Variants in ASB3 observed in about 807,000 individuals in gnomAD.
ASB3 encodes ankyrin repeat and SOCS box protein 3.
ASB3 carries 41 observed loss-of-function variants against 54.5 expected under a neutral mutation model. The observed-to-expected ratio is 0.75, with a 90% CI of 0.59 to 0.98. The LOEUF is 0.98. Among genes scored for constraint, ASB3 ranks in the 50% least tolerant of loss-of-function variants. The pLI, the probability that ASB3 is intolerant of heterozygous loss-of-function variation, is 0.00. For missense variants in ASB3, 733 were observed against 620.0 expected (o/e 1.18, Z -1.94); for synonymous variants, 266 against 221.2 (o/e 1.20, Z -1.80).
At chr2:53,679,998 G>A (rs1322186867) in intron 9 of ASB3, among the ~76,000 whole-genome samples, 1 of 152,112 alleles carries the variant, frequency 6.6e-6, no homozygotes, top group African/African-American at 2.4e-5. Context: ...GTAGTACATG[G>A]TTTTCTGTTC....
intron 8 of ASB3, 75 bp downstream of exon 8, chr2:53,700,196 G>T: frequency 6.5e-7 from 1 of 1,539,704 alleles, no homozygotes; most frequent in South Asian, 1.3e-5. Flanking sequence ...CAAACACTGG[G>T]ATCTCAACTG....
intron 5 of ASB3, among the ~76,000 whole-genome samples, chr2:53,724,443 CA>C (rs1236474529): frequency 8.6e-5 from 13 of 151,670 alleles, no homozygotes; most frequent in African/African-American, 2.9e-4. Flanking sequence ...ACTAAAAATA[CA>C]AAAAATTAGC....
chr2:53,727,813 C>A (rs1354025403), intron 5 of ASB3, among the ~76,000 whole-genome samples: 2 of 152,272 alleles, frequency 1.3e-5, no homozygotes, highest in Middle Eastern at 3.4e-3. Flanking sequence ...GCAACCTCTG[C>A]CTCCCAGGTT....
chr2:53,718,277 G>T (rs922694359), intron 5 of ASB3, among the ~76,000 whole-genome samples: 2 of 135,418 alleles, frequency 1.5e-5, no homozygotes. Flanking sequence ...CAGGCAGCTA[G>T]AGAAAAACGT....
At chr2:53,742,531 G>C (rs1671991641) in intron 3 of ASB3, among the ~76,000 whole-genome samples, 1 of 152,020 alleles carries the variant, frequency 6.6e-6, no homozygotes, top group Non-Finnish European at 1.5e-5. Flanking sequence ...TAAAAAAGAA[G>C]TTAAGGAAGC....
intron 9 of ASB3, among the ~76,000 whole-genome samples, chr2:53,688,387 A>C (rs1213514137): frequency 6.6e-6 from 1 of 152,202 alleles, no homozygotes; most frequent in Non-Finnish European, 1.5e-5. Context: ...TCAGCAAGGA[A>C]AGGGAGAGCA....
In ASB3 at chr2:53,714,280, C is replaced by G. The variant is rs1670266599; in HGVS notation, c.980+104G>C. On this transcript the variant is annotated intron_variant, in intron 7 of 9. Transcript: ENST00000263634. Reference sequence around the variant, plus strand: ...TTTGTGTTCCAAGATAGCAATTTAGCACTAACAGAGATACTAAGTTTCATC... The same window carrying G: ...TTTGTGTTCCAAGATAGCAATTTAGGACTAACAGAGATACTAAGTTTCATC... 2.2e-6 allele frequency: 3 copies of G among 1,382,938 alleles called. No homozygotes were observed. The Admixed American group carries it at 7.9e-5, about 36-fold the overall frequency. The allele number at this position is 1,382,938 out of a possible 1,614,324, so 85.7% of individuals were successfully genotyped here.
intron 1 of ASB3, among the ~76,000 whole-genome samples, chr2:53,769,941 A>G (rs1673779020): frequency 6.6e-6 from 1 of 152,234 alleles, no homozygotes; most frequent in Non-Finnish European, 1.5e-5. Flanking sequence ...TCTTAGCTCT[A>G]TTTATTTCAC....
At chr2:53,762,576 AT>A (rs1419070046) in intron 2 of ASB3, among the ~76,000 whole-genome samples, 1 of 152,202 alleles carries the variant, frequency 6.6e-6, no homozygotes, top group Non-Finnish European at 1.5e-5. Flanking sequence ...AAATAAAAGT[AT>A]TTTTTAGCTA....
At chr2:53,687,388 A>T (rs921835275) in intron 9 of ASB3, among the ~76,000 whole-genome samples, 3 of 152,236 alleles carry the variant, frequency 2.0e-5, no homozygotes, top group Admixed American at 6.5e-5. Flanking sequence ...GGTGTCTGGG[A>T]GGTTGAAAGT....
chr2:53,785,638 T>A (rs1157828450), intron 1 of ASB3, among the ~76,000 whole-genome samples: 2 of 152,040 alleles, frequency 1.3e-5, no homozygotes, highest in Non-Finnish European at 2.9e-5. Flanking sequence ...AGGTCAGGAG[T>A]TCGAGACCAG....
At chr2:53,700,785 T>C (rs1401727280) in intron 7 of ASB3, among the ~76,000 whole-genome samples, 1 of 152,078 alleles carries the variant, frequency 6.6e-6, no homozygotes, top group Non-Finnish European at 1.5e-5. Context: ...AAATGTCATT[T>C]TAAAAAAAAT....
intron 7 of ASB3, among the ~76,000 whole-genome samples, chr2:53,708,398 T>TA (rs1334264866): frequency 2.0e-5 from 3 of 152,204 alleles, no homozygotes; most frequent in Non-Finnish European, 4.4e-5. Flanking sequence ...ATGGGCCAAT[T>TA]AAACCTTTTT....
intron 9 of ASB3, among the ~76,000 whole-genome samples, chr2:53,675,997 A>G (rs559489671): frequency 7.9e-5 from 12 of 152,244 alleles, no homozygotes; most frequent in Admixed American, 3.9e-4. Flanking sequence ...TTTACAAAAT[A>G]CATGGTAGGT....
chr2:53,750,528 G>A (rs1468121920), intron 3 of ASB3, among the ~76,000 whole-genome samples: 1 of 152,110 alleles, frequency 6.6e-6, no homozygotes, highest in Non-Finnish European at 1.5e-5. Context: ...TGAGAACAAT[G>A]ATGGTGCCTA....
intron 9 of ASB3, among the ~76,000 whole-genome samples, chr2:53,681,657 T>C (rs914470095): frequency 2.0e-5 from 3 of 152,136 alleles, no homozygotes; most frequent in Non-Finnish European, 4.4e-5. Flanking sequence ...TTGTTGAAAA[T>C]GAGTTCACTG....
chr2:53,742,056 C>T (rs1363283904), intron 3 of ASB3, among the ~76,000 whole-genome samples: 1 of 152,140 alleles, frequency 6.6e-6, no homozygotes, highest in Non-Finnish European at 1.5e-5. Context: ...AATGCACAGG[C>T]TAGCAGCAGG....
chr2:53,709,864 T>A (rs1227930837), intron 7 of ASB3, among the ~76,000 whole-genome samples: 1 of 152,168 alleles, frequency 6.6e-6, no homozygotes. Flanking sequence ...ACCAGGTCAC[T>A]GTGACTTCCG....
chr2:53,754,908 G>C (rs1266084774), intron 2 of ASB3, among the ~76,000 whole-genome samples: 4 of 152,186 alleles, frequency 2.6e-5, no homozygotes, highest in Non-Finnish European at 5.9e-5. Flanking sequence ...TCCTTAAACT[G>C]ATACATGAGT....
Sources: allele counts gnomAD v4.1 joint callset (sites outside exome capture counted in the v4.1 genomes callset), GRCh38; gene constraint gnomAD v4.1.1; transcripts MANE v1.5; gene names NCBI Gene and HGNC (gene_info 2026-07-23, HGNC 2026-07-21).